The following GABBR2 variants were observed in gnomAD, a reference collection of about 807,000 sequenced individuals.
GABBR2 encodes the protein gamma-aminobutyric acid type B receptor subunit 2, also known as G-protein coupled receptor 51.
A neutral mutation model predicts 105.6 loss-of-function variants in GABBR2; 23 were observed. That is an observed-to-expected ratio of 0.22 (90% CI 0.16 to 0.31). The LOEUF (loss-of-function observed/expected upper bound fraction) is 0.31. GABBR2 is among the 10% of genes least tolerant of loss of function. The pLI is 1.00. For synonymous variants in GABBR2, 478 were observed against 499.7 expected (o/e 0.96, Z 0.58); for missense variants, 734 against 1,245.5 (o/e 0.59, Z 6.18).
intron 10 of GABBR2, among the ~76,000 whole-genome samples, chr9:98,386,460 G>A (rs1564043920): frequency 6.6e-6 from 1 of 152,172 alleles, no homozygotes. Context: ...GGGTGACAGA[G>A]GGAGACACCA....
chr9:98,654,269 A>C (rs960617492), intron 1 of GABBR2, among the ~76,000 whole-genome samples: 1 of 152,186 alleles, frequency 6.6e-6, no homozygotes, highest in African/African-American at 2.4e-5. Context: ...TAAGTGCCTC[A>C]ACTTTGGGCC....
At chr9:98,522,357 GAAGA>G (rs1418311140) in intron 3 of GABBR2, among the ~76,000 whole-genome samples, 4 of 152,052 alleles carry the variant, frequency 2.6e-5, no homozygotes, top group Admixed American at 1.3e-4. Context: ...AATGCAATCA[GAAGA>G]AAGACCAGAT....
intron 2 of GABBR2, among the ~76,000 whole-genome samples, chr9:98,553,599 GA>G (rs56986103): frequency 2.6e-5 from 4 of 151,728 alleles, no homozygotes; most frequent in Non-Finnish European, 5.9e-5. Flanking sequence ...TCAAAAAGAG[GA>G]AAAAAAAGAG....
chr9:98,501,131 C>A (rs1460381960), intron 3 of GABBR2, among the ~76,000 whole-genome samples: 11 of 144,852 alleles, frequency 7.6e-5, no homozygotes, highest in Non-Finnish European at 1.7e-4. Flanking sequence ...CACTGCCCCC[C>A]CCCCTTCCCC....
chr9:98,708,468 G>A lies in GABBR2; in HGVS notation c.270C>T (p.Asn90=), dbSNP rs752196377. 6.3e-7 allele frequency: 1 copy of A among 1,580,770 alleles called. No individual in the cohort carries two copies. Among genetic ancestry groups the A allele is most frequent in the Non-Finnish European group, 8.6e-7 (1 of 1,162,280 alleles). ...GGAAGTAGGGGCGCAGGAGTGACTC[G>A]TTGCGGATCTGCTCGATGGCCAGTT... ...AVELAIEQIR[N]ESLLRPYFLD... is the part of the protein sequence containing the mutation. The change falls in exon 1 of 19, where the codon AAC becomes AAT. Residue 90 remains asparagine (N), a synonymous_variant. Transcript: ENST00000259455.
At chr9:98,637,089 C>T (rs1448679169) in intron 1 of GABBR2, among the ~76,000 whole-genome samples, 1 of 152,138 alleles carries the variant, frequency 6.6e-6, no homozygotes, top group East Asian at 1.9e-4. Context: ...GAGCTGCAAC[C>T]CTTAAAAACT....
chr9:98,494,434 G>A (rs1251789055), intron 4 of GABBR2, among the ~76,000 whole-genome samples: 1 of 152,188 alleles, frequency 6.6e-6, no homozygotes, highest in African/African-American at 2.4e-5. Flanking sequence ...GGGAGCCTTT[G>A]CCAACAGATG....
chr9:98,319,356 A>G (rs1830779656), intron 13 of GABBR2, among the ~76,000 whole-genome samples: 1 of 152,122 alleles, frequency 6.6e-6, no homozygotes, highest in Non-Finnish European at 1.5e-5. Flanking sequence ...TTATCTCCAC[A>G]GCAGCAGCCC....
intron 13 of GABBR2, among the ~76,000 whole-genome samples, chr9:98,360,455 C>G (rs3780432): frequency 0.17 from 25,452 of 152,118 alleles, 3,470 homozygotes; most frequent in African/African-American, 0.38. Flanking sequence ...GCACACCCTG[C>G]AGGGAGACAC....
In GABBR2 at chr9:98,542,010, C is replaced by T. The variant is rs1449813941; in HGVS notation, c.493G>A (p.Asp165Asn). 4.3e-6 allele frequency: 7 copies of T among 1,614,122 alleles called. No individual in the cohort carries two copies. The highest frequency in any genetic ancestry group is 5.9e-6 in the Non-Finnish European group (7 of 1,179,994). The change falls in exon 3 of 19, where the codon GAT becomes AAT. Residue 165 changes from aspartate (D) to asparagine (N), a missense_variant. This residue lies in a region of GABBR2 where 370 missense variants were observed against 648.9 expected (regional missense o/e 0.57). Transcript: ENST00000259455. ...AAGAAATAAGGGTATTTTTTCTTAT[C>T]GGCTAGAACAGGCGTGGTTGCAGCA... ...SFAATTPVLADKKKYPYFFRT... is the reference protein window; with the variant it reads ...SFAATTPVLANKKKYPYFFRT...
intron 3 of GABBR2, among the ~76,000 whole-genome samples, chr9:98,530,881 C>CA (rs770890792): frequency 5.3e-5 from 8 of 152,152 alleles, no homozygotes; most frequent in Non-Finnish European, 8.8e-5. Flanking sequence ...ATTTTAATCA[C>CA]ATTTTCCTAC....
intron 13 of GABBR2, among the ~76,000 whole-genome samples, chr9:98,331,396 CTTTTTTTTTTTTTT>C (rs142735341): frequency 2.6e-5 from 2 of 75,992 alleles, no homozygotes; most frequent in South Asian, 4.9e-4. Context: ...AGTCCCTCTT[CTTTTTTTTTTTTTT>C]TTTTTTTTTT....
chr9:98,692,957 T>C (rs572201505), intron 1 of GABBR2, among the ~76,000 whole-genome samples: 1 of 152,292 alleles, frequency 6.6e-6, no homozygotes, highest in African/African-American at 2.4e-5. Context: ...ACATATTCCT[T>C]GGAATGCTCA....
intron 1 of GABBR2, chr9:98,608,062 A>G: frequency 7.6e-7 from 1 of 1,312,432 alleles, no homozygotes; most frequent in Non-Finnish European, 1.1e-6. Context: ...TGGGAAGCTC[A>G]ACAACGTATT....
At chr9:98,651,984 G>T (rs1396033742) in intron 1 of GABBR2, among the ~76,000 whole-genome samples, 1 of 152,098 alleles carries the variant, frequency 6.6e-6, no homozygotes, top group African/African-American at 2.4e-5. Context: ...AAATAATAAG[G>T]GAGAAGAGGA....
At chr9:98,384,157 A>G (rs367641138) in intron 11 of GABBR2, among the ~76,000 whole-genome samples, 6 of 152,274 alleles carry the variant, frequency 3.9e-5, no homozygotes, top group African/African-American at 1.4e-4. Flanking sequence ...TGGATGAATT[A>G]CTGCATGTGG....
intron 1 of GABBR2, among the ~76,000 whole-genome samples, chr9:98,688,394 C>CATATATATATATATATATGTAT (rs34589145): frequency 7.1e-6 from 1 of 140,462 alleles, no homozygotes; most frequent in Non-Finnish European, 1.6e-5. Context: ...TATGTGGTTT[C>CATATATATATATATATATGTAT]ATATATATAT....
rs183218603 is a variant in GABBR2 at position 98,546,645 on chromosome 9, T to C, written c.460-4602A>G. On this transcript the variant is annotated intron_variant, in intron 2 of 18. Transcript: ENST00000259455. ...TTTGCCTGTCACTTTTTTATCCTCCTTTTATTCATATTCTATTAAGATTGT... is the reference window on the plus strand; with the variant it reads ...TTTGCCTGTCACTTTTTTATCCTCCCTTTATTCATATTCTATTAAGATTGT... Among the ~76,000 whole-genome samples the C allele has an allele frequency of 6.1e-4, 93 of 152,390 alleles. 1 individual carries two copies. The Middle Eastern group carries it at 0.014, about 22-fold the overall frequency.
At chr9:98,612,824 G>A (rs1829524327) in intron 1 of GABBR2, among the ~76,000 whole-genome samples, 1 of 152,150 alleles carries the variant, frequency 6.6e-6, no homozygotes, top group African/African-American at 2.4e-5. Context: ...AATTCTCTGG[G>A]GTAACAGAGA....
Sources: gnomAD v4.1 joint callset for allele counts (sites outside exome capture counted in the v4.1 genomes callset) on GRCh38, gnomAD v4.1.1 for gene constraint, gnomAD v4.1.1 regional missense constraint, MANE v1.5 for transcripts, NCBI Gene and HGNC (gene_info 2026-07-23, HGNC 2026-07-21) for gene names.